The following TBC1D32 variants were observed in gnomAD, a reference collection of about 807,000 sequenced individuals.
TBC1D32 encodes protein broad-minded.
In TBC1D32, 151 loss-of-function variants were observed where a neutral mutation model predicts 170.3. That is an observed-to-expected ratio of 0.89 (90% CI 0.78 to 1.01). The LOEUF is 1.01. Among genes scored for constraint, TBC1D32 ranks in the 50% least tolerant of loss-of-function variants. TBC1D32 has a pLI of 0.00. For synonymous variants in TBC1D32, 498 were observed against 488.0 expected, an observed-to-expected ratio of 1.02 and a Z score of -0.27; for missense variants, 1,464 against 1,457.1, an observed-to-expected ratio of 1.00 and a Z score of -0.08.
At chr6:121,157,371 G>C (rs1273752) in intron 24 of TBC1D32, among the ~76,000 whole-genome samples, 144,483 of 152,204 alleles carry the variant, frequency 0.95, 68,987 homozygotes, top group Non-Finnish European at 1. Context: ...TTGTTTTTCT[G>C]CATCCCTTTG....
At chr6:121,125,920 T>C (rs1396767284) in intron 26 of TBC1D32, among the ~76,000 whole-genome samples, 1 of 152,148 alleles carries the variant, frequency 6.6e-6, no homozygotes, top group African/African-American at 2.4e-5. Flanking sequence ...GTATCTTTTG[T>C]GAGACATAGT....
chr6:121,223,423 T>C (rs1234927571), intron 20 of TBC1D32, 71 bp from the exon 21 acceptor site: 1 of 1,003,132 alleles, frequency 1.0e-6, no homozygotes, highest in Non-Finnish European at 1.5e-6. Flanking sequence ...GTCATTAATG[T>C]AGTTTCCTAT....
At chr6:121,152,695 A>T (rs562253799) in intron 24 of TBC1D32, among the ~76,000 whole-genome samples, 1 of 151,970 alleles carries the variant, frequency 6.6e-6, no homozygotes, top group East Asian at 1.9e-4. Context: ...GGCTTTGTTC[A>T]TTCCTTTTCA....
chr6:121,150,816 G>A (rs955676049), intron 24 of TBC1D32, among the ~76,000 whole-genome samples: 16 of 152,136 alleles, frequency 1.1e-4, no homozygotes, highest in Admixed American at 5.2e-4. Context: ...ATTCTCTGTC[G>A]GTAGTTTGTA....
intron 31 of TBC1D32, among the ~76,000 whole-genome samples, chr6:121,089,747 C>G (rs139393172): frequency 6.6e-6 from 1 of 151,908 alleles, no homozygotes; most frequent in Non-Finnish European, 1.5e-5. Context: ...AGAAAAATAT[C>G]GTTAAATGGA....
At chr6:121,097,319 A>G (rs1000417820) in intron 30 of TBC1D32, among the ~76,000 whole-genome samples, 7 of 152,210 alleles carry the variant, frequency 4.6e-5, no homozygotes, top group African/African-American at 1.7e-4. Flanking sequence ...GCTAATATCC[A>G]GAATCTACAA....
intron 2 of TBC1D32, among the ~76,000 whole-genome samples, chr6:121,321,137 T>C (rs1303205766): frequency 2.0e-5 from 3 of 152,232 alleles, no homozygotes; most frequent in African/African-American, 7.2e-5. Flanking sequence ...TATCTTTATT[T>C]AGAAGTTTGG....
At chr6:121,147,169 G>A (rs77017111) in intron 24 of TBC1D32, among the ~76,000 whole-genome samples, 2 of 152,190 alleles carry the variant, frequency 1.3e-5, no homozygotes, top group African/African-American at 4.8e-5. Flanking sequence ...TTTTATGGCT[G>A]TGTAGTATTC....
At chr6:121,246,841 ACT>A (rs1399133710) in intron 17 of TBC1D32, among the ~76,000 whole-genome samples, 1 of 151,660 alleles carries the variant, frequency 6.6e-6, no homozygotes, top group Non-Finnish European at 1.5e-5. Flanking sequence ...ACAAAGAAAA[ACT>A]CTCCAAGAAA....
intron 11 of TBC1D32, among the ~76,000 whole-genome samples, chr6:121,293,938 C>T (rs1026603048): frequency 6.6e-6 from 1 of 151,888 alleles, no homozygotes; most frequent in Admixed American, 6.6e-5. Context: ...AATACAGTTT[C>T]TTCTTTCATG....
At chr6:121,271,467 T>C (rs1563174610) in intron 15 of TBC1D32, among the ~76,000 whole-genome samples, 1 of 151,970 alleles carries the variant, frequency 6.6e-6, no homozygotes. Context: ...TATACACCAA[T>C]AACAGACAAA....
chr6:121,262,211 A>G (rs907732987), intron 15 of TBC1D32, among the ~76,000 whole-genome samples: 1 of 152,210 alleles, frequency 6.6e-6, no homozygotes, highest in African/African-American at 2.4e-5. Context: ...ACTTCAGGAT[A>G]TCATCCAGGA....
intron 21 of TBC1D32, among the ~76,000 whole-genome samples, chr6:121,217,097 G>C (rs773240165): frequency 5.9e-5 from 9 of 152,232 alleles, no homozygotes; most frequent in Non-Finnish European, 1.3e-4. Flanking sequence ...GCAGAAGACA[G>C]ATGGATCTTC....
chr6:121,150,587 C>T (rs1444326849), intron 24 of TBC1D32, among the ~76,000 whole-genome samples: 2 of 152,114 alleles, frequency 1.3e-5, no homozygotes, highest in Admixed American at 1.3e-4. Context: ...GGTACCAGCT[C>T]CTCTTTGTAC....
intron 24 of TBC1D32, among the ~76,000 whole-genome samples, chr6:121,149,008 T>C (rs1322030037): frequency 6.6e-6 from 1 of 151,856 alleles, no homozygotes; most frequent in African/African-American, 2.4e-5. Flanking sequence ...TAATGGCCAG[T>C]GATGATGAGC....
At chr6:121,110,176 A>T (rs1326427772) in intron 29 of TBC1D32, among the ~76,000 whole-genome samples, 1 of 151,204 alleles carries the variant, frequency 6.6e-6, no homozygotes, top group Non-Finnish European at 1.5e-5. Context: ...GCGTGAACCC[A>T]GGAGGCGGAG....
chr6:121,080,999 T>C, intron 31 of TBC1D32, 109 bp from the exon 32 acceptor site: 1 of 1,347,032 alleles, frequency 7.4e-7, no homozygotes, highest in Non-Finnish European at 1.0e-6. Flanking sequence ...ATAGATGGGG[T>C]GGGCTGTTTA....
chr6:121,222,445 A>C (rs560487545), intron 21 of TBC1D32, among the ~76,000 whole-genome samples: 48 of 152,234 alleles, frequency 3.2e-4, no homozygotes, highest in Non-Finnish European at 5.9e-4. Flanking sequence ...ATGTTAAATG[A>C]TAGAAGTACC....
intron 22 of TBC1D32, among the ~76,000 whole-genome samples, chr6:121,181,826 A>G (rs114349154): frequency 0.015 from 2,267 of 152,196 alleles, 41 homozygotes; most frequent in African/African-American, 0.044. Context: ...TTGCAACAAC[A>G]TCGATGGAAC....
Sources: allele counts gnomAD v4.1 joint callset (sites outside exome capture counted in the v4.1 genomes callset), GRCh38; gene constraint gnomAD v4.1.1; transcripts MANE v1.5; gene names NCBI Gene and HGNC (gene_info 2026-07-23, HGNC 2026-07-21).